THOC1: variants seen among roughly 807,000 people sequenced by gnomAD.
THOC1 encodes THO complex 1.
In THOC1, 29 loss-of-function variants were observed where a neutral mutation model predicts 97.3. That is an observed-to-expected ratio of 0.30 (90% CI 0.22 to 0.41). The LOEUF (loss-of-function observed/expected upper bound fraction) is 0.41. Ranked by LOEUF, THOC1 falls within the 10% of genes least tolerant of loss-of-function variation. The pLI, the probability that THOC1 is intolerant of heterozygous loss-of-function variation, is 1.00. For missense variants in THOC1, 529 were observed against 761.9 expected, an observed-to-expected ratio of 0.69 and a Z score of 3.60; for synonymous variants, 255 against 257.0, an observed-to-expected ratio of 0.99 and a Z score of 0.07.
intron 11 of THOC1, among the ~76,000 whole-genome samples, chr18:229,041 G>A (rs910791789): frequency 1.3e-5 from 2 of 151,890 alleles, no homozygotes; most frequent in African/African-American, 2.4e-5. Context: ...TCATTTCTTG[G>A]CCCCCAAAAT....
intron 10 of THOC1, 123 bp from the exon 11 acceptor site, chr18:246,578 G>A: frequency 1.4e-6 from 1 of 704,614 alleles, no homozygotes. Flanking sequence ...ATATTGCAAG[G>A]CACACTAACA....
rs974843426 is a variant in THOC1, at chr18:254,556, TCA to T, written c.521-203_521-202del. On this transcript the variant is annotated intron_variant, in intron 7 of 20. Coordinates refer to ENST00000261600, the MANE Select transcript of THOC1 (RefSeq NM_005131.3). The surrounding 1 kb of genome is among the most constrained non-coding windows in gnomAD (Gnocchi z 4.1). ...TGGGCATACCTTGTTTTGTTGTTCTTCACAGTTTCTTGTTTTTTTAAATAAAT... is the reference window on the plus strand; with the variant it reads ...TGGGCATACCTTGTTTTGTTGTTCTTCAGTTTCTTGTTTTTTTAAATAAAT... Among the ~76,000 whole-genome samples, 16 of 147,358 alleles carry T rather than the reference TCA, an allele frequency of 1.1e-4. No individual in the cohort carries two copies. Among genetic ancestry groups the T allele is most frequent in the East Asian group, 3.9e-4 (2 of 5,190 alleles).
intron 11 of THOC1, among the ~76,000 whole-genome samples, chr18:236,660 G>T (rs1911711135): frequency 6.6e-6 from 1 of 152,070 alleles, no homozygotes; most frequent in South Asian, 2.1e-4. Context: ...ACCGCGCCCG[G>T]CGAAAGAATA....
In THOC1 at chr18:214,920, A is replaced by G. The variant is rs758493852; in HGVS notation, c.1680T>C (p.Ser560=). Residue 560 remains serine (S), a splice_region_variant and synonymous_variant, in exon 21 of 21, where the codon AGT becomes AGC. Coordinates refer to ENST00000261600, the MANE Select transcript of THOC1 (RefSeq NM_005131.3). ...CAGGTTTGTCTCGCCGAACATCAGG[A>G]CCTAGAAAATGAAGAGAATATAAAT... is the stretch of plus-strand genomic sequence containing the variant. The part of the protein sequence containing the change: ...DNDALLKENE[S]PDVRRDKPVT... The G allele has an allele frequency of 1.1e-5, 17 of 1,613,224 alleles. No homozygotes were observed. Among genetic ancestry groups the G allele is most frequent in the Non-Finnish European group, 1.4e-5 (16 of 1,179,560 alleles).
chr18:264,725 T>C (rs1436481180), intron 3 of THOC1, among the ~76,000 whole-genome samples: 3 of 152,246 alleles, frequency 2.0e-5, no homozygotes, highest in Admixed American at 6.5e-5. Context: ...CATTGTACTA[T>C]GGCCAATAGA....
chr18:221,694 C>T (rs767066731), intron 17 of THOC1, among the ~76,000 whole-genome samples: 18 of 150,606 alleles, frequency 1.2e-4, no homozygotes, highest in Middle Eastern at 3.2e-3. Context: ...CTGCAAGCTC[C>T]GCCTCCCAGG....
chr18:233,163 G>A (rs1013738300), intron 11 of THOC1, among the ~76,000 whole-genome samples: 1 of 152,134 alleles, frequency 6.6e-6, no homozygotes, highest in African/African-American at 2.4e-5. Flanking sequence ...TCTTCTAAAT[G>A]TTTAAAAGTC....
chr18:241,010 C>G (rs1434496309), intron 11 of THOC1, among the ~76,000 whole-genome samples: 1 of 152,116 alleles, frequency 6.6e-6, no homozygotes, highest in Non-Finnish European at 1.5e-5. Flanking sequence ...TGCTGCTGAT[C>G]TGATAGGAGA....
At chr18:264,219 A>T (rs1912693998) in intron 3 of THOC1, 127 bp from the exon 4 acceptor site, 1 of 645,746 alleles carries the variant, frequency 1.5e-6, no homozygotes, top group Non-Finnish European at 2.6e-6. Flanking sequence ...TTTCTTATAG[A>T]AAACAATATT....
intron 11 of THOC1, 71 bp downstream of exon 11, chr18:246,253 A>T (rs1288227881): frequency 1.7e-6 from 2 of 1,166,752 alleles, no homozygotes; most frequent in Non-Finnish European, 2.4e-6. Flanking sequence ...TAACTTAGAA[A>T]GGCTGTCAGC....
intron 1 of THOC1, 74 bp from the exon 2 acceptor site, chr18:265,604 G>T: frequency 8.3e-7 from 1 of 1,207,334 alleles, no homozygotes; most frequent in Non-Finnish European, 1.2e-6. Context: ...ATCGTTCATT[G>T]ATAGTGTATC....
At chr18:226,710 G>A (rs1911302153) in intron 12 of THOC1, 91 bp downstream of exon 12, 6 of 881,644 alleles carry the variant, frequency 6.8e-6, no homozygotes, top group Non-Finnish European at 8.9e-6. Context: ...GCCTTAACAT[G>A]AAATGGACAC....
chr18:248,394 C>T (rs1235955923), intron 9 of THOC1, among the ~76,000 whole-genome samples: 1 of 152,158 alleles, frequency 6.6e-6, no homozygotes, highest in Non-Finnish European at 1.5e-5. Context: ...AAAGGGCAAA[C>T]ACCAAGATGA....
chr18:214,611 G>GAA lies in THOC1; in HGVS notation c.*13_*14dup. On this transcript the variant is annotated 3_prime_UTR_variant, in exon 21 of 21. Coordinates refer to ENST00000261600, the MANE Select transcript of THOC1 (RefSeq NM_005131.3). ...AAATCTATCACAGTTTTAATAAAAAGAAAAAAAAAAGAAGCTAACTATTTG... is the reference window on the plus strand; with the variant it reads ...AAATCTATCACAGTTTTAATAAAAAGAAAAAAAAAAAAGAAGCTAACTATTTG... 7 of 1,422,078 alleles carry GAA rather than the reference G, an allele frequency of 4.9e-6. No individual in the cohort carries two copies. The highest frequency in any genetic ancestry group is 1.3e-5 in the South Asian group (1 of 75,738). The allele number at this position is 1,422,078 out of a possible 1,614,324, so 88.1% of individuals were successfully genotyped here.
chr18:239,606 G>A (rs553147742), intron 11 of THOC1, among the ~76,000 whole-genome samples: 13 of 152,280 alleles, frequency 8.5e-5, no homozygotes, highest in African/African-American at 2.4e-4. Flanking sequence ...TGCCTGGCCT[G>A]ATTCATATGT....
Position 254,304 on chromosome 18 carries a change from G to T in THOC1, c.572C>A (p.Thr191Lys), listed in dbSNP as rs1188403824. 6.3e-7 allele frequency: 1 copy of T among 1,583,868 alleles called. No homozygotes were observed. The highest frequency in any genetic ancestry group is 8.6e-7 in the Non-Finnish European group (1 of 1,164,100). The part of the protein sequence containing the change: ...FNLENVTVFN[T>K]NEQESTLGQK... ...ACCCAGGGTGCTTTCCTGCTCATTT[G>T]TATTGAAAACAGTGACATTTTCCAG... Residue 191 changes from threonine to lysine, a missense_variant, in exon 8 of 21, where the codon ACA becomes AAA. Thr to Lys is a moderately conservative substitution (Grantham distance 78). Around this residue, in one of 8 missense-constraint regions of THOC1, gnomAD observed 92 missense variants for 127.0 expected, o/e 0.72. Transcript: ENST00000261600. The surrounding 1 kb of genome is among the most constrained non-coding windows in gnomAD (Gnocchi z 4.1).
chr18:229,118 A>G (rs1911394454), intron 11 of THOC1, among the ~76,000 whole-genome samples: 1 of 152,168 alleles, frequency 6.6e-6, no homozygotes. Flanking sequence ...TTCACGGCTA[A>G]AGGTATTCCA....
chr18:246,495 C>T, intron 10 of THOC1, 40 bp from the exon 11 acceptor site: 1 of 1,544,736 alleles, frequency 6.5e-7, no homozygotes, highest in East Asian at 2.3e-5. Flanking sequence ...ACATTGTTAC[C>T]CAAATTTGTT....
chr18:216,989 T>C (rs1041606247), intron 18 of THOC1, among the ~76,000 whole-genome samples: 1 of 152,242 alleles, frequency 6.6e-6, no homozygotes, highest in Admixed American at 6.5e-5. Flanking sequence ...ATCTAGCTAT[T>C]TGGAATCCAT....
Sources: allele counts gnomAD v4.1 joint callset (sites outside exome capture counted in the v4.1 genomes callset), GRCh38; gene constraint gnomAD v4.1.1; regional missense constraint gnomAD v4.1.1; non-coding constraint Gnocchi (gnomAD v3.1); transcripts MANE v1.5; gene names NCBI Gene and HGNC (gene_info 2026-07-23, HGNC 2026-07-21).